The following THADA variants were observed in gnomAD, a reference collection of about 807,000 sequenced individuals.
The protein encoded by THADA is THADA armadillo repeat containing.
Under a neutral mutation model 219.8 loss-of-function variants are expected in THADA, and 213 were observed. That is an observed-to-expected ratio of 0.97 (90% confidence interval 0.87 to 1.09). The LOEUF is 1.09. Among genes scored for constraint, THADA ranks in the 50% least tolerant of loss-of-function variants. The pLI is 0.00. For synonymous variants in THADA, 1,018 were observed against 828.9 expected (o/e 1.23, Z -3.92); for missense variants, 2,956 against 2,311.3 (o/e 1.28, Z -5.72).
chr2:43,236,975 G>A (rs1240195430), intron 36 of THADA, among the ~76,000 whole-genome samples: 7 of 151,270 alleles, frequency 4.6e-5, no homozygotes, highest in Non-Finnish European at 8.8e-5. Flanking sequence ...GGGAGGCTGA[G>A]GCAGGAGAAT....
intron 32 of THADA, 79 bp from the exon 33 acceptor site, chr2:43,292,301 T>C (rs545477547): frequency 5.4e-6 from 5 of 923,774 alleles, no homozygotes; most frequent in Admixed American, 3.0e-5. Flanking sequence ...TGATAATCAA[T>C]TGTATCAACA....
intron 25 of THADA, among the ~76,000 whole-genome samples, chr2:43,495,668 A>G (rs1233735538): frequency 6.6e-6 from 1 of 152,216 alleles, no homozygotes; most frequent in Non-Finnish European, 1.5e-5. Flanking sequence ...GAATTTTACT[A>G]AAAAGTTGGA....
intron 21 of THADA, among the ~76,000 whole-genome samples, chr2:43,533,531 C>A (rs1396501144): frequency 2.0e-5 from 3 of 152,152 alleles, no homozygotes; most frequent in African/African-American, 7.2e-5. Flanking sequence ...AAATGTGGCA[C>A]ATATACACCA....
At chr2:43,371,473 T>A (rs1434626147) in intron 29 of THADA, among the ~76,000 whole-genome samples, 1 of 152,212 alleles carries the variant, frequency 6.6e-6, no homozygotes, top group Admixed American at 6.5e-5. Flanking sequence ...GAAAGAGCAA[T>A]GCTCAGTTTT....
chr2:43,351,476 C>T (rs530208145), intron 29 of THADA, among the ~76,000 whole-genome samples: 1 of 151,428 alleles, frequency 6.6e-6, no homozygotes, highest in South Asian at 2.2e-4. Context: ...CCCCATAAAA[C>T]TCTCCCCAGC....
chr2:43,484,169 CCTT>C (rs1308795120), intron 26 of THADA: 3 of 155,908 alleles, frequency 1.9e-5, no homozygotes, highest in Non-Finnish European at 4.4e-5. Context: ...CAGTTACCTT[CCTT>C]TTAAATATCT....
intron 31 of THADA, 151 bp downstream of exon 31, chr2:43,320,295 G>A (rs1238970833): frequency 6.2e-6 from 3 of 487,434 alleles, no homozygotes; most frequent in Non-Finnish European, 7.2e-6. Flanking sequence ...AAACTTCTAT[G>A]AGGGAACTAT....
At chr2:43,290,876 C>T (rs1438422161) in intron 34 of THADA, among the ~76,000 whole-genome samples, 1 of 151,930 alleles carries the variant, frequency 6.6e-6, no homozygotes, top group Non-Finnish European at 1.5e-5. Flanking sequence ...TTTCTTACTT[C>T]GGTTCTATTT....
At chr2:43,285,038 T>C (rs1673823713) in intron 35 of THADA, among the ~76,000 whole-genome samples, 1 of 152,236 alleles carries the variant, frequency 6.6e-6, no homozygotes, top group African/African-American at 2.4e-5. Context: ...CCATTGTATC[T>C]TGGAAGTAGC....
chr2:43,490,735 ATTG>A (rs1687525728), intron 25 of THADA, among the ~76,000 whole-genome samples: 1 of 152,128 alleles, frequency 6.6e-6, no homozygotes, highest in African/African-American at 2.4e-5. Context: ...TATTGTTATA[ATTG>A]TTATCTCTTA....
intron 30 of THADA, among the ~76,000 whole-genome samples, chr2:43,328,953 A>G (rs762477795): frequency 1.3e-5 from 2 of 152,130 alleles, no homozygotes; most frequent in Admixed American, 6.5e-5. Flanking sequence ...CCATCTTTCT[A>G]TTAGGCATCT....
At chr2:43,238,354 T>A (rs1411807364) in intron 36 of THADA, among the ~76,000 whole-genome samples, 6 of 152,072 alleles carry the variant, frequency 3.9e-5, no homozygotes, top group Non-Finnish European at 7.4e-5. Flanking sequence ...CTTAATACTC[T>A]TAATAAACAC....
At chr2:43,391,727 T>G (rs796931771) in intron 29 of THADA, 36 of 152,334 alleles carry the variant, frequency 2.4e-4, no homozygotes, top group African/African-American at 8.7e-4. Flanking sequence ...GGTGACTGCC[T>G]AGAGGCTCCA....
intron 28 of THADA, among the ~76,000 whole-genome samples, chr2:43,413,693 C>T (rs1440603977): frequency 6.6e-6 from 1 of 152,174 alleles, no homozygotes; most frequent in African/African-American, 2.4e-5. Context: ...ACAGAAAGGG[C>T]TCTTTTCCAA....
At chr2:43,247,421 T>G (rs58332255) in intron 36 of THADA, among the ~76,000 whole-genome samples, 3,765 of 152,124 alleles carry the variant, frequency 0.025, 119 homozygotes, top group African/African-American at 0.083. Flanking sequence ...TGACTAAAAT[T>G]GTTGAATAAA....
At chr2:43,434,943 C>T (rs1679876945) in intron 26 of THADA, among the ~76,000 whole-genome samples, 1 of 152,200 alleles carries the variant, frequency 6.6e-6, no homozygotes, top group Non-Finnish European at 1.5e-5. Flanking sequence ...ACATTCACCC[C>T]TCGACACTGC....
At chr2:43,374,518 A>G (rs1489185610) in intron 29 of THADA, among the ~76,000 whole-genome samples, 1 of 152,232 alleles carries the variant, frequency 6.6e-6, no homozygotes. Flanking sequence ...AATATACAGA[A>G]GTCAATCATT....
At chr2:43,440,065 A>C (rs1680649669) in intron 26 of THADA, among the ~76,000 whole-genome samples, 2 of 152,192 alleles carry the variant, frequency 1.3e-5, no homozygotes, top group Non-Finnish European at 2.9e-5. Flanking sequence ...TAAAAAATAC[A>C]CACTAGACTC....
chr2:43,529,562 G>A (rs1693606082), intron 21 of THADA, among the ~76,000 whole-genome samples: 1 of 152,106 alleles, frequency 6.6e-6, no homozygotes, highest in Admixed American at 6.6e-5. Flanking sequence ...TGTTGACTAA[G>A]GTTTTGAATA....
Sources: gnomAD v4.1 joint callset for allele counts (sites outside exome capture counted in the v4.1 genomes callset) on GRCh38, gnomAD v4.1.1 for gene constraint, MANE v1.5 for transcripts, NCBI Gene and HGNC (gene_info 2026-07-23, HGNC 2026-07-21) for gene names.